The following STARD13 variants were observed in gnomAD, a reference collection of about 807,000 sequenced individuals.
STARD13 encodes the protein stAR-related lipid transfer protein 13.
A neutral mutation model predicts 106.4 loss-of-function variants in STARD13; 62 were observed. The observed-to-expected ratio is 0.58, with a 90% confidence interval of 0.48 to 0.72. The LOEUF (loss-of-function observed/expected upper bound fraction) is 0.72. STARD13 is among the 30% of genes least tolerant of loss of function. STARD13 has a pLI of 0.00. For synonymous variants in STARD13, 565 were observed against 553.0 expected (o/e 1.02, Z -0.31); for missense variants, 1,387 against 1,424.0 (o/e 0.97, Z 0.42).
chr13:33,439,773 T>C, the STARD13 span: 5 of 979,762 alleles, frequency 5.1e-6, no homozygotes, highest in Admixed American at 1.3e-4. Context: ...ATACCACTTT[T>C]GTGAAGAATA....
chr13:33,520,395 T>C, the STARD13 span, among the ~76,000 whole-genome samples: 1 of 152,102 alleles, frequency 6.6e-6, no homozygotes, highest in Non-Finnish European at 1.5e-5. Context: ...GCTTAGTAGG[T>C]ATTAGTCCTG....
At chr13:33,208,468 A>G (rs1355443296) in intron 1 of STARD13, among the ~76,000 whole-genome samples, 1 of 152,168 alleles carries the variant, frequency 6.6e-6, no homozygotes. Flanking sequence ...CAAGCAAATG[A>G]GTCATCAAAG....
At chr13:33,626,532 G>A in the STARD13 span, among the ~76,000 whole-genome samples, 3 of 152,086 alleles carry the variant, frequency 2.0e-5, no homozygotes, top group Non-Finnish European at 4.4e-5. Flanking sequence ...ATAAAAATGA[G>A]CAAAATAAAG....
intron 1 of STARD13, among the ~76,000 whole-genome samples, chr13:33,168,017 A>G (rs1434894288): frequency 6.6e-6 from 1 of 152,018 alleles, no homozygotes; most frequent in Non-Finnish European, 1.5e-5. Flanking sequence ...TTAAGTTCCA[A>G]AGATTAGGCT....
chr13:33,292,479 T>C (rs1426889638), intron 1 of STARD13, among the ~76,000 whole-genome samples: 1 of 151,550 alleles, frequency 6.6e-6, no homozygotes, highest in Non-Finnish European at 1.5e-5. Context: ...TGAGGGCCTG[T>C]AGTCCCATCT....
At chr13:33,219,518 CAAAAAAAA>C (rs55933962) in intron 1 of STARD13, among the ~76,000 whole-genome samples, 100 of 61,242 alleles carry the variant, frequency 1.6e-3, no homozygotes, top group African/African-American at 5.1e-3. Context: ...GACTCCTTCT[CAAAAAAAA>C]AAAAAAAAAA....
the STARD13 span, among the ~76,000 whole-genome samples, chr13:33,400,892 AG>A: frequency 6.6e-6 from 1 of 152,218 alleles, no homozygotes; most frequent in Non-Finnish European, 1.5e-5. Flanking sequence ...TTTTAAAAAA[AG>A]ATCTACAAGC....
the STARD13 span, among the ~76,000 whole-genome samples, chr13:33,364,890 A>G: frequency 0.15 from 22,626 of 152,066 alleles, 2,316 homozygotes; most frequent in Non-Finnish European, 0.2. Flanking sequence ...CTCCGTCTCA[A>G]AAAAAAAGAA....
chr13:33,126,292 G>A (rs575456381), intron 6 of STARD13, 52 bp from the exon 7 acceptor site: 2 of 1,584,272 alleles, frequency 1.3e-6, no homozygotes, highest in East Asian at 2.2e-5. Context: ...ACACTGTGGG[G>A]TGAGGCTCTG....
At chr13:33,309,426 T>C (rs998735021) in intron 1 of STARD13, among the ~76,000 whole-genome samples, 1 of 152,136 alleles carries the variant, frequency 6.6e-6, no homozygotes, top group Non-Finnish European at 1.5e-5. Flanking sequence ...CTTAGCTCTA[T>C]GCAAGGAGAC....
intron 1 of STARD13, among the ~76,000 whole-genome samples, chr13:33,246,863 G>C (rs1208263213): frequency 6.6e-6 from 1 of 152,188 alleles, no homozygotes. Context: ...ACAGTGACAA[G>C]GGTGTGGTTA....
intron 1 of STARD13, among the ~76,000 whole-genome samples, chr13:33,284,727 AT>A (rs67339962): frequency 0.15 from 22,649 of 146,648 alleles, 1,981 homozygotes; most frequent in Non-Finnish European, 0.21. Context: ...CATGTTTTAA[AT>A]TTTTTTTTTT....
At chr13:33,203,743 T>G (rs1462350999) in intron 1 of STARD13, among the ~76,000 whole-genome samples, 1 of 152,196 alleles carries the variant, frequency 6.6e-6, no homozygotes, top group Non-Finnish European at 1.5e-5. Flanking sequence ...TAAACAAAAG[T>G]ATTACTACAT....
rs963847128 is a variant in STARD13 at position 33,129,387 on chromosome 13, G to T, written c.1290C>A (p.Ser430Arg). 7 of 1,614,080 alleles carry T rather than the reference G, an allele frequency of 4.3e-6. No homozygotes were observed. The highest frequency in any genetic ancestry group is 1.6e-4 in the Middle Eastern group (1 of 6,084). The change falls in exon 5 of 14, where the codon AGC becomes AGA. Residue 430 changes from serine (S) to arginine (R), a missense_variant. Transcript: ENST00000336934. ...SSNGVNWRTG[S>R]ISLGREQVPG... ...GGACCTGCTCTCTGCCCAGGGAGAT[G>T]CTACCGGTCCTCCAATTAACCCCAT...
At chr13:33,236,105 T>C (rs1010228512) in intron 1 of STARD13, among the ~76,000 whole-genome samples, 2 of 152,262 alleles carry the variant, frequency 1.3e-5, no homozygotes, top group East Asian at 3.8e-4. Context: ...TCGTGAGTAA[T>C]TTGTGCTTTC....
chr13:33,202,764 A>G (rs1324393122), intron 1 of STARD13, among the ~76,000 whole-genome samples: 1 of 152,130 alleles, frequency 6.6e-6, no homozygotes, highest in Non-Finnish European at 1.5e-5. Flanking sequence ...CAGGGACAGA[A>G]CTGGGCAGAG....
chr13:33,501,458 C>T, the STARD13 span, among the ~76,000 whole-genome samples: 1 of 152,072 alleles, frequency 6.6e-6, no homozygotes, highest in Non-Finnish European at 1.5e-5. Context: ...AAATCCTTGC[C>T]TATGCCTATG....
chr13:33,628,266 CT>C, the STARD13 span, among the ~76,000 whole-genome samples: 3 of 152,004 alleles, frequency 2.0e-5, no homozygotes, highest in African/African-American at 4.8e-5. Flanking sequence ...AGGGATGCCC[CT>C]GTCTCTATTC....
chr13:33,595,606 G>A, the STARD13 span, among the ~76,000 whole-genome samples: 3 of 152,076 alleles, frequency 2.0e-5, no homozygotes, highest in Non-Finnish European at 2.9e-5. Flanking sequence ...TAAGATACAT[G>A]GGTTGTGCAC....
Sources: gnomAD v4.1 joint callset for allele counts (sites outside exome capture counted in the v4.1 genomes callset) on GRCh38, gnomAD v4.1.1 for gene constraint, MANE v1.5 for transcripts, NCBI Gene and HGNC (gene_info 2026-07-23, HGNC 2026-07-21) for gene names.